The following KIF3B variants were observed in gnomAD, a reference collection of about 807,000 sequenced individuals.
KIF3B encodes kinesin family member 3B, also known as kinesin-like protein KIF3B.
In KIF3B, 38 loss-of-function variants were observed where a neutral mutation model predicts 74.3. The observed-to-expected ratio is 0.51, with a 90% confidence interval of 0.39 to 0.67. KIF3B has a LOEUF of 0.67. KIF3B is among the 30% of genes least tolerant of loss of function. The pLI, the probability that KIF3B is intolerant of heterozygous loss-of-function variation, is 0.00. For missense variants in KIF3B, 649 were observed against 932.0 expected (o/e 0.70, Z 3.95); for synonymous variants, 326 against 342.5 (o/e 0.95, Z 0.53).
At chr20:32,304,795 CAGAGAGAGAGAG>C (rs34339038) in intron 1 of KIF3B, among the ~76,000 whole-genome samples, 4 of 147,042 alleles carry the variant, frequency 2.7e-5, no homozygotes, top group African/African-American at 7.5e-5. Context: ...GAGCAGGTCA[CAGAGAGAGAGAG>C]AGAGAGAGAG....
intron 1 of KIF3B, among the ~76,000 whole-genome samples, chr20:32,284,390 G>T (rs1464110402): frequency 6.6e-6 from 1 of 152,170 alleles, no homozygotes; most frequent in Non-Finnish European, 1.5e-5. Flanking sequence ...ACTTGTTTTT[G>T]TCAGTAATAT....
intron 5 of KIF3B, among the ~76,000 whole-genome samples, chr20:32,322,149 G>A (rs1353482056): frequency 6.6e-6 from 1 of 151,994 alleles, no homozygotes; most frequent in Non-Finnish European, 1.5e-5. Flanking sequence ...AACATGAGAT[G>A]TCTTTCCATT....
chr20:32,281,722 G>GA (rs1445212018), intron 1 of KIF3B, among the ~76,000 whole-genome samples: 16 of 151,448 alleles, frequency 1.1e-4, no homozygotes, highest in Non-Finnish European at 1.9e-4. Context: ...ATCTCAAAAA[G>GA]AAAAAAAACC....
chr20:32,277,766 G>T lies in KIF3B; in HGVS notation c.-66+1G>T. 4.1e-6 allele frequency: 1 copy of T among 242,662 alleles called. No individual in the cohort carries two copies. Among genetic ancestry groups the T allele is most frequent in the South Asian group, 1.3e-4 (1 of 7,478 alleles). 15.0% of individuals were successfully genotyped at this position (242,662 alleles called of 1,614,324 possible). On this transcript the variant is annotated splice_donor_variant, in intron 1 of 8. Coordinates refer to ENST00000375712, the MANE Select transcript of KIF3B (RefSeq NM_004798.4). LOFTEE classifies it low-confidence loss of function (5UTR_SPLICE). ...CGCCCGCTTTCGGCTCGGGCCTCAG[G>T]TGAGTCGGAGGGGCCGGGCGCCCAC...
chr20:32,309,957 T>C lies in KIF3B; in HGVS notation c.180T>C (p.Asp60=), dbSNP rs2047791281. 6.2e-7 allele frequency: 1 copy of C among 1,614,078 alleles called. No homozygotes were observed. The highest frequency in any genetic ancestry group is 1.3e-5 in the African/African-American group (1 of 74,934). ...AAATGCCCAAGACCTTCACCTTTGA[T>C]GCCGTCTATGACTGGAATGCCAAGC... ...AHEMPKTFTF[D]AVYDWNAKQF... The change falls in exon 2 of 9, where the codon GAT becomes GAC. Residue 60 remains aspartate, a synonymous_variant. Transcript: ENST00000375712.
At chr20:32,319,905 T>G (rs2047850576) in intron 5 of KIF3B, among the ~76,000 whole-genome samples, 1 of 148,698 alleles carries the variant, frequency 6.7e-6, no homozygotes, top group African/African-American at 2.5e-5. Context: ...GTTTTAAGAG[T>G]TTTTTTTGAG....
At position 32,299,403 on chromosome 20, in the gene KIF3B, A is replaced by ATATATATTTTT. The variant is rs1555895046; in HGVS notation, c.-65-10309_-65-10308insATATATTTTTT. On this transcript the variant is annotated intron_variant, in intron 1 of 8. Coordinates refer to ENST00000375712, the MANE Select transcript of KIF3B (RefSeq NM_004798.4). ...TGTATATATATATATATATATATATATTTTTTTTTTTTTTTTTTTTTTTTT... is the reference window on the plus strand; with the variant it reads ...TGTATATATATATATATATATATATATATATATTTTTTTTTTTTTTTTTTTTTTTTTTTTTT... Among the ~76,000 whole-genome samples the ATATATATTTTT allele has an allele frequency of 4.4e-3, 40 of 9,024 alleles. No individual in the cohort carries two copies. The East Asian group carries it at 0.064, about 14-fold the overall frequency. The allele number at this position is 9,024 out of a possible 152,430, so 5.9% of individuals were successfully genotyped here.
chr20:32,321,293 G>A (rs2047858302), intron 5 of KIF3B, among the ~76,000 whole-genome samples: 1 of 151,988 alleles, frequency 6.6e-6, no homozygotes, highest in African/African-American at 2.4e-5. Flanking sequence ...GCCAGGTGTG[G>A]TGGTGCACAC....
intron 5 of KIF3B, 104 bp downstream of exon 5, chr20:32,316,978 G>C (rs1214810411): frequency 7.2e-6 from 6 of 832,302 alleles, no homozygotes; most frequent in Non-Finnish European, 1.2e-5. Flanking sequence ...GCCTACGCCT[G>C]TAATCCCAGT....
intron 1 of KIF3B, among the ~76,000 whole-genome samples, chr20:32,301,215 G>A (rs995157234): frequency 1.5e-4 from 22 of 148,846 alleles, no homozygotes; most frequent in South Asian, 2.2e-4. Context: ...AGCCTCCCAA[G>A]TACCTGGGAC....
chr20:32,293,617 C>A (rs1363591438), intron 1 of KIF3B, among the ~76,000 whole-genome samples: 2 of 151,834 alleles, frequency 1.3e-5, no homozygotes, highest in African/African-American at 4.8e-5. Context: ...CTCAAAAAAA[C>A]AAACAAAGAA....
At chr20:32,328,776 C>G (rs942251870) in intron 7 of KIF3B, among the ~76,000 whole-genome samples, 1 of 152,106 alleles carries the variant, frequency 6.6e-6, no homozygotes, top group Non-Finnish European at 1.5e-5. Flanking sequence ...ACTTCAGGTA[C>G]TTTCATCTCA....
rs71185398 is a variant in KIF3B at position 32,292,583 on chromosome 20, G to GAA, written c.-66+14840_-66+14841dup. On this transcript the variant is annotated intron_variant, in intron 1 of 8. Transcript: ENST00000375712. Reference sequence around the variant, plus strand: ...TGAAACCTCGTCTCTACTAAAAATAGAAAAAAAAAAAAAAAAAAAAAAAGA... The same window carrying GAA: ...TGAAACCTCGTCTCTACTAAAAATAGAAAAAAAAAAAAAAAAAAAAAAAAAGA... Among the ~76,000 whole-genome samples, 77 of 71,806 alleles carry GAA rather than the reference G, an allele frequency of 1.1e-3. 2 individuals are homozygous for GAA. Among genetic ancestry groups the GAA allele is most frequent in the Non-Finnish European group, 1.7e-3 (59 of 35,488 alleles). The allele number at this position is 71,806 out of a possible 152,430, so 47.1% of individuals were successfully genotyped here. A position where few individuals can be genotyped will look rare whatever the true frequency, so the allele number is the denominator to read the frequency against.
intron 2 of KIF3B, among the ~76,000 whole-genome samples, chr20:32,315,489 G>T (rs2047822508): frequency 1.3e-5 from 2 of 152,126 alleles, no homozygotes; most frequent in African/African-American, 2.4e-5. Flanking sequence ...AGGATCTCTT[G>T]AGGCCAGGAA....
Position 32,332,004 on chromosome 20 carries a change from C to T in KIF3B, c.*685C>T, listed in dbSNP as rs1042376404. 6.5e-6 allele frequency: 1 copy of T among 152,704 alleles called. No homozygotes were observed. The highest frequency in any genetic ancestry group is 1.5e-5 in the Non-Finnish European group (1 of 68,094). The allele number at this position is 152,704 out of a possible 1,614,324, so 9.5% of individuals were successfully genotyped here. A position where few individuals can be genotyped will look rare whatever the true frequency, so the allele number is the denominator to read the frequency against. ...GCAATAGAAATAACATTCCCTTTGC[C>T]TTCTCTGAGTGTTTAGGGAAATAGC... On this transcript the variant is annotated 3_prime_UTR_variant, in exon 9 of 9. Coordinates refer to ENST00000375712, the MANE Select transcript of KIF3B (RefSeq NM_004798.4).
chr20:32,328,792 T>A (rs1285488290), intron 7 of KIF3B, among the ~76,000 whole-genome samples: 1 of 152,068 alleles, frequency 6.6e-6, no homozygotes, highest in African/African-American at 2.4e-5. Context: ...TCTCACAAAA[T>A]GTGTGTCAGT....
chr20:32,323,676 A>G (rs1274722336), intron 5 of KIF3B, among the ~76,000 whole-genome samples: 4 of 152,036 alleles, frequency 2.6e-5, no homozygotes, highest in East Asian at 3.9e-4. Context: ...CAGGAGTTCA[A>G]GACCAGCCTG....
At chr20:32,291,475 T>C (rs2047690937) in intron 1 of KIF3B, among the ~76,000 whole-genome samples, 1 of 152,194 alleles carries the variant, frequency 6.6e-6, no homozygotes, top group Non-Finnish European at 1.5e-5. Context: ...CCAGATGGCA[T>C]ATAACTTTAT....
intron 1 of KIF3B, among the ~76,000 whole-genome samples, chr20:32,284,270 G>C (rs2047657521): frequency 6.6e-6 from 1 of 152,076 alleles, no homozygotes; most frequent in Non-Finnish European, 1.5e-5. Context: ...TTGCAGTTTA[G>C]AACGCTCTTT....
Sources: gnomAD v4.1 joint callset for allele counts (sites outside exome capture counted in the v4.1 genomes callset) on GRCh38, gnomAD v4.1.1 for gene constraint, MANE v1.5 for transcripts, NCBI Gene and HGNC (gene_info 2026-07-23, HGNC 2026-07-21) for gene names.